The following ASTN2 variants were observed in gnomAD, a reference collection of about 807,000 sequenced individuals.
ASTN2 encodes astrotactin-2.
ASTN2 carries 54 observed loss-of-function variants against 139.8 expected under a neutral mutation model. The observed-to-expected ratio is 0.39, with a 90% confidence interval of 0.31 to 0.48. The LOEUF (loss-of-function observed/expected upper bound fraction) is 0.48, where lower values mean the gene tolerates loss of function less well. Among genes scored for constraint, ASTN2 ranks in the 20% least tolerant of loss-of-function variants. The pLI is 0.95. For missense variants in ASTN2, 1,565 were observed against 1,725.1 expected (o/e 0.91, Z 1.64); for synonymous variants, 756 against 719.5 (o/e 1.05, Z -0.81).
chr9:117,330,338 G>A (rs1191171307), intron 1 of ASTN2, among the ~76,000 whole-genome samples: 1 of 152,224 alleles, frequency 6.6e-6, no homozygotes, highest in African/African-American at 2.4e-5. Flanking sequence ...TTAGCCAGAT[G>A]TTGGGGATGA....
intron 7 of ASTN2, among the ~76,000 whole-genome samples, chr9:116,982,904 C>T (rs1012063222): frequency 1.3e-5 from 2 of 152,146 alleles, no homozygotes; most frequent in Non-Finnish European, 2.9e-5. Context: ...GGTATGGGCA[C>T]GGACAAGGCA....
intron 19 of ASTN2, among the ~76,000 whole-genome samples, chr9:116,538,341 C>T (rs553877751): frequency 6.6e-6 from 1 of 150,964 alleles, no homozygotes; most frequent in Non-Finnish European, 1.5e-5. Context: ...AGGAAAGAAG[C>T]GAGGAAGAAA....
rs540024412 is a variant in ASTN2 at position 117,103,578 on chromosome 9, G to A, written c.1169-7427C>T. Among the ~76,000 whole-genome samples the A allele has an allele frequency of 3.3e-5, 5 of 152,264 alleles. No homozygotes were observed. In the East Asian group the frequency reaches 5.8e-4, roughly 18 times the overall value. On this transcript the variant is annotated intron_variant, in intron 4 of 22. Coordinates refer to ENST00000313400, the MANE Select transcript of ASTN2 (RefSeq NM_001365068.1). ...CTACCTTCTATTCTTGGGCTGCCCT[G>A]TCCACAGACCTGCTCTGCCAGCCTC...
At chr9:116,463,138 C>T (rs780136622) in intron 20 of ASTN2, among the ~76,000 whole-genome samples, 9 of 152,066 alleles carry the variant, frequency 5.9e-5, no homozygotes, top group African/African-American at 1.7e-4. Flanking sequence ...CAAATGTACC[C>T]GCCTTTTTCT....
At chr9:117,336,922 A>C (rs1828903818) in intron 1 of ASTN2, among the ~76,000 whole-genome samples, 1 of 152,206 alleles carries the variant, frequency 6.6e-6, no homozygotes, top group African/African-American at 2.4e-5. Flanking sequence ...AAACACCACA[A>C]GATACATGCT....
intron 3 of ASTN2, among the ~76,000 whole-genome samples, chr9:117,151,443 C>T (rs115288560): frequency 5.1e-4 from 78 of 152,230 alleles, no homozygotes; most frequent in African/African-American, 1.9e-3. Context: ...GGGCCAGGCA[C>T]TGGGGACACA....
chr9:116,964,256 T>TGTGTGTGTGTGCGCGC (rs1491183340), intron 10 of ASTN2, among the ~76,000 whole-genome samples: 1 of 98,868 alleles, frequency 1.0e-5, no homozygotes, highest in African/African-American at 3.2e-5. Flanking sequence ...TGTGTGTGTG[T>TGTGTGTGTGTGCGCGC]GCGCGCGCGC....
intron 18 of ASTN2, among the ~76,000 whole-genome samples, chr9:116,619,060 T>C (rs941528336): frequency 6.6e-6 from 1 of 152,128 alleles, no homozygotes; most frequent in African/African-American, 2.4e-5. Context: ...GGAAACAGTT[T>C]GCACAAGGTC....
chr9:116,543,817 T>C (rs1398371602), intron 19 of ASTN2: 1 of 152,166 alleles, frequency 6.6e-6, no homozygotes, highest in Non-Finnish European at 1.5e-5. Flanking sequence ...GCCCCAGAAC[T>C]ACTTGTGACA....
chr9:116,949,876 A>G (rs1835508227), intron 10 of ASTN2, among the ~76,000 whole-genome samples: 1 of 152,232 alleles, frequency 6.6e-6, no homozygotes, highest in South Asian at 2.1e-4. Flanking sequence ...TACCTATCTC[A>G]TAATGCGTTT....
At chr9:116,495,210 C>A (rs566519326) in intron 19 of ASTN2, among the ~76,000 whole-genome samples, 3 of 152,188 alleles carry the variant, frequency 2.0e-5, no homozygotes, top group Admixed American at 6.5e-5. Flanking sequence ...TCAGGCTCAT[C>A]CTCATGCCTG....
intron 11 of ASTN2, among the ~76,000 whole-genome samples, chr9:116,841,259 C>T (rs993854461): frequency 3.3e-5 from 5 of 152,090 alleles, no homozygotes; most frequent in African/African-American, 1.2e-4. Flanking sequence ...CACCTGCAAT[C>T]GCAGGCACTC....
intron 1 of ASTN2, among the ~76,000 whole-genome samples, chr9:117,372,112 C>T (rs944470038): frequency 2.0e-5 from 3 of 152,098 alleles, no homozygotes; most frequent in Non-Finnish European, 4.4e-5. Context: ...TGAGCATCCT[C>T]AATATAGAAG....
At chr9:116,860,212 A>G (rs971482073) in intron 11 of ASTN2, among the ~76,000 whole-genome samples, 2 of 152,202 alleles carry the variant, frequency 1.3e-5, no homozygotes, top group Non-Finnish European at 1.5e-5. Context: ...CAGAAAAAAA[A>G]CTGAAATTGA....
Position 117,373,831 on chromosome 9 carries a change from C to T in ASTN2, c.442+40666G>A, listed in dbSNP as rs190923809. ...ACGACAGAAAGCAGTTAAGGAAATA[C>T]TTAGGGATTTGGGGGAAAACACAAA... is the stretch of plus-strand genomic sequence containing the variant. On this transcript the variant is annotated intron_variant, in intron 1 of 22. Coordinates refer to ENST00000313400, the MANE Select transcript of ASTN2 (RefSeq NM_001365068.1). 5.3e-5 allele frequency among the ~76,000 whole-genome samples: 8 copies of T among 152,244 alleles called. No individual in the cohort carries two copies. The South Asian group carries it at 1.2e-3, about 24-fold the overall frequency.
At chr9:117,389,031 A>G (rs1303254272) in intron 1 of ASTN2, among the ~76,000 whole-genome samples, 2 of 152,214 alleles carry the variant, frequency 1.3e-5, no homozygotes, top group Non-Finnish European at 2.9e-5. Context: ...GTGCTACTCC[A>G]ATAGTATGCG....
At chr9:116,551,852 A>C (rs59590954) in intron 19 of ASTN2, among the ~76,000 whole-genome samples, 24,135 of 152,152 alleles carry the variant, frequency 0.16, 2,081 homozygotes, top group African/African-American at 0.21. Context: ...GGGAGCAGGA[A>C]CTTTTAGTCT....
chr9:116,899,478 C>T (rs1833956570), intron 10 of ASTN2, among the ~76,000 whole-genome samples: 1 of 152,174 alleles, frequency 6.6e-6, no homozygotes. Context: ...TAATAATGAT[C>T]ATGAACCATC....
In ASTN2 at chr9:116,455,244, A is replaced by G. The variant is rs565948261; in HGVS notation, c.3498-12691T>C. ...CACGTCTGTAATCCCAGCTACTCAG[A>G]AGGCTGAGGCAGGAGAATTGCTTGA... is the stretch of plus-strand genomic sequence containing the variant. On this transcript the variant is annotated intron_variant, in intron 20 of 22. Coordinates refer to ENST00000313400, the MANE Select transcript of ASTN2 (RefSeq NM_001365068.1). Among the ~76,000 whole-genome samples, 30 of 151,606 alleles carry G rather than the reference A, an allele frequency of 2.0e-4. No individual in the cohort carries two copies. In the South Asian group the frequency reaches 5.4e-3, roughly 27 times the overall value.
Sources: gnomAD v4.1 joint callset for allele counts (sites outside exome capture counted in the v4.1 genomes callset) on GRCh38, gnomAD v4.1.1 for gene constraint, MANE v1.5 for transcripts, NCBI Gene and HGNC (gene_info 2026-07-23, HGNC 2026-07-21) for gene names.